LRRC4C: variants seen among roughly 807,000 people sequenced by gnomAD.
LRRC4C encodes the protein leucine-rich repeat-containing protein 4C.
A neutral mutation model predicts 33.6 loss-of-function variants in LRRC4C; 5 were observed. The observed-to-expected ratio is 0.15, with a 90% confidence interval of 0.08 to 0.31. The LOEUF (loss-of-function observed/expected upper bound fraction) is 0.31. LRRC4C is among the 10% of genes least tolerant of loss of function. The pLI is 1.00. For missense variants in LRRC4C, 560 were observed against 796.7 expected (o/e 0.70, Z 3.58); for synonymous variants, 329 against 302.0 (o/e 1.09, Z -0.93).
chr11:40,732,722 AATCTTTT>A (rs907942126), intron 2 of LRRC4C, among the ~76,000 whole-genome samples: 1 of 152,180 alleles, frequency 6.6e-6, no homozygotes, highest in African/African-American at 2.4e-5. Context: ...CTAGTTATTT[AATCTTTT>A]TAAAGTTAAC....
At chr11:41,121,247 G>C (rs558893470) in intron 1 of LRRC4C, among the ~76,000 whole-genome samples, 1 of 151,834 alleles carries the variant, frequency 6.6e-6, no homozygotes, top group Non-Finnish European at 1.5e-5. Context: ...AGGATATATC[G>C]GTCGGTCAAA....
chr11:40,164,133 A>G (rs1565075567), intron 5 of LRRC4C, among the ~76,000 whole-genome samples: 1 of 152,196 alleles, frequency 6.6e-6, no homozygotes, highest in South Asian at 2.1e-4. Flanking sequence ...ACAGCCAGCA[A>G]AAAAGCTAGG....
chr11:41,175,851 A>G (rs1945173615), intron 1 of LRRC4C, among the ~76,000 whole-genome samples: 1 of 152,096 alleles, frequency 6.6e-6, no homozygotes, highest in Non-Finnish European at 1.5e-5. Context: ...TGAATACAGA[A>G]CATTCATCAT....
chr11:41,099,194 T>C (rs943520601), intron 1 of LRRC4C, among the ~76,000 whole-genome samples: 1 of 151,590 alleles, frequency 6.6e-6, no homozygotes, highest in East Asian at 1.9e-4. Context: ...CAATAAGAAA[T>C]AGCCTACCAT....
intron 3 of LRRC4C, among the ~76,000 whole-genome samples, chr11:40,644,000 A>G (rs1942282454): frequency 6.6e-6 from 1 of 152,238 alleles, no homozygotes; most frequent in Non-Finnish European, 1.5e-5. Flanking sequence ...AAATGGAAAA[A>G]AAACATTAGA....
intron 5 of LRRC4C, among the ~76,000 whole-genome samples, chr11:40,228,465 C>T (rs1444926823): frequency 6.6e-6 from 1 of 152,032 alleles, no homozygotes; most frequent in Non-Finnish European, 1.5e-5. Flanking sequence ...AAAATCTCTC[C>T]TAAGGGAAGG....
intron 4 of LRRC4C, among the ~76,000 whole-genome samples, chr11:40,268,194 T>C (rs1942427884): frequency 6.6e-6 from 1 of 152,216 alleles, no homozygotes; most frequent in Non-Finnish European, 1.5e-5. Context: ...GGTGAGGTCC[T>C]TGAAATACAA....
At chr11:41,307,280 AAAG>A (rs897177016) in intron 1 of LRRC4C, among the ~76,000 whole-genome samples, 2 of 152,164 alleles carry the variant, frequency 1.3e-5, no homozygotes, top group Admixed American at 6.5e-5. Context: ...TTCAAAAAAA[AAAG>A]AAGACGATTC....
chr11:40,976,058 G>A (rs78712620), intron 1 of LRRC4C, among the ~76,000 whole-genome samples: 123 of 152,262 alleles, frequency 8.1e-4, no homozygotes, highest in African/African-American at 2.9e-3. Flanking sequence ...CAGAAAGAAG[G>A]TCACAGTCAT....
At chr11:40,991,298 C>A (rs1380320090) in intron 1 of LRRC4C, among the ~76,000 whole-genome samples, 1 of 150,716 alleles carries the variant, frequency 6.6e-6, no homozygotes, top group Non-Finnish European at 1.5e-5. Context: ...AACATTTAAA[C>A]CTGTATAACT....
At chr11:41,021,060 A>G (rs1373836948) in intron 1 of LRRC4C, among the ~76,000 whole-genome samples, 1 of 152,010 alleles carries the variant, frequency 6.6e-6, no homozygotes, top group Admixed American at 6.6e-5. Flanking sequence ...TTTATAATTA[A>G]GTAACTGTTG....
At chr11:40,157,770 A>T (rs1434367188) in intron 5 of LRRC4C, among the ~76,000 whole-genome samples, 1 of 152,150 alleles carries the variant, frequency 6.6e-6, no homozygotes, top group African/African-American at 2.4e-5. Context: ...AGATGCTGGC[A>T]TGGATGCGGT....
At chr11:40,173,562 C>T (rs1194018688) in intron 5 of LRRC4C, among the ~76,000 whole-genome samples, 1 of 152,156 alleles carries the variant, frequency 6.6e-6, no homozygotes, top group East Asian at 1.9e-4. Context: ...CTTGTCTATG[C>T]ATCCTTTAAG....
chr11:40,747,656 C>T (rs890949698), intron 2 of LRRC4C, among the ~76,000 whole-genome samples: 1 of 151,322 alleles, frequency 6.6e-6, no homozygotes, highest in Non-Finnish European at 1.5e-5. Context: ...AAGAGCAACA[C>T]AAAAATCAGA....
At chr11:40,719,396 A>G (rs1946893657) in intron 2 of LRRC4C, among the ~76,000 whole-genome samples, 1 of 152,230 alleles carries the variant, frequency 6.6e-6, no homozygotes. Flanking sequence ...AGTTAAAGTT[A>G]GAAAAGTGAC....
chr11:41,006,659 T>G (rs1360841197), intron 1 of LRRC4C, among the ~76,000 whole-genome samples: 1 of 149,574 alleles, frequency 6.7e-6, no homozygotes, highest in Non-Finnish European at 1.5e-5. Context: ...AACAAGACAA[T>G]AAAGGAAAAG....
Position 40,136,982 on chromosome 11 carries a change from T to C in LRRC4C, c.-43+3819A>G, listed in dbSNP as rs531287786. On this transcript the variant is annotated intron_variant, in intron 6 of 6. Coordinates refer to ENST00000528697, the MANE Select transcript of LRRC4C (RefSeq NM_001258419.2). ...GGAATCAATATTCTTTTTGTTTTGT[T>C]TTTGATTTTGCTTTTGCTGAGACTC... Among the ~76,000 whole-genome samples, 37 of 152,346 alleles carry C rather than the reference T, an allele frequency of 2.4e-4. No homozygotes were observed. The South Asian group carries it at 7.0e-3, about 29-fold the overall frequency.
intron 5 of LRRC4C, among the ~76,000 whole-genome samples, chr11:40,148,241 T>C (rs891546561): frequency 3.3e-5 from 5 of 152,178 alleles, no homozygotes; most frequent in Admixed American, 1.3e-4. Flanking sequence ...TGACTTTAGG[T>C]CTCTGAAGAA....
intron 2 of LRRC4C, among the ~76,000 whole-genome samples, chr11:40,878,004 A>G (rs1954990578): frequency 6.6e-6 from 1 of 152,136 alleles, no homozygotes; most frequent in African/African-American, 2.4e-5. Context: ...GTCTTCTGCT[A>G]TCTCATCATT....
Sources: gnomAD v4.1 joint callset for allele counts (sites outside exome capture counted in the v4.1 genomes callset) on GRCh38, gnomAD v4.1.1 for gene constraint, MANE v1.5 for transcripts, NCBI Gene and HGNC (gene_info 2026-07-23, HGNC 2026-07-21) for gene names.